The following CD44 variants were observed in gnomAD, a reference collection of about 807,000 sequenced individuals.
CD44 encodes the protein CD44 antigen.
A neutral mutation model predicts 88.8 loss-of-function variants in CD44; 49 were observed. The observed-to-expected ratio is 0.55, with a 90% CI of 0.44 to 0.70. The LOEUF is 0.70. Ranked by LOEUF, CD44 falls within the 30% of genes least tolerant of loss-of-function variation. The pLI is 0.00. For synonymous variants in CD44, 325 were observed against 312.3 expected, an observed-to-expected ratio of 1.04 and a Z score of -0.43; for missense variants, 883 against 913.8, an observed-to-expected ratio of 0.97 and a Z score of 0.43.
At chr11:35,159,231 C>T (rs1346004664) in intron 1 of CD44, among the ~76,000 whole-genome samples, 1 of 152,224 alleles carries the variant, frequency 6.6e-6, no homozygotes, top group Non-Finnish European at 1.5e-5. Context: ...TCAATTCTCT[C>T]ATCTCCAAAA....
intron 5 of CD44, among the ~76,000 whole-genome samples, chr11:35,196,000 T>C (rs1028395549): frequency 1.3e-5 from 2 of 152,186 alleles, no homozygotes; most frequent in Non-Finnish European, 2.9e-5. Context: ...GCTAAGATTA[T>C]GTATCTATTG....
intron 1 of CD44, among the ~76,000 whole-genome samples, chr11:35,176,297 C>CT (rs1223834941): frequency 1.3e-5 from 2 of 152,112 alleles, no homozygotes; most frequent in Non-Finnish European, 2.9e-5. Context: ...CCGCCTCGGC[C>CT]TCCCAAAGTG....
chr11:35,180,411 G>C lies in CD44; in HGVS notation c.367+4G>C, dbSNP rs200679456. The C allele has an allele frequency of 3.7e-6, 6 of 1,614,024 alleles. No homozygotes were observed. Among genetic ancestry groups the C allele is most frequent in the Non-Finnish European group, 5.1e-6 (6 of 1,179,946 alleles). On this transcript the variant is annotated splice_donor_region_variant and intron_variant, in intron 3 of 17. Transcript: ENST00000428726. ...ACATATTGCTTCAATGCTTCAGGTT[G>C]GTTCTCAGGGGGGTGTCTGTTGGCG...
chr11:35,182,296 G>A (rs1048228562), intron 3 of CD44, among the ~76,000 whole-genome samples: 2 of 151,972 alleles, frequency 1.3e-5, no homozygotes, highest in Admixed American at 6.6e-5. Flanking sequence ...GTAGGGATCA[G>A]AGTGGAAATT....
intron 14 of CD44, among the ~76,000 whole-genome samples, chr11:35,212,044 C>T (rs1487704106): frequency 6.6e-6 from 1 of 152,036 alleles, no homozygotes; most frequent in Non-Finnish European, 1.5e-5. Context: ...GACCACTTCT[C>T]TTATTGTAAT....
intron 5 of CD44, chr11:35,190,542 A>G (rs1443120372): frequency 5.8e-6 from 1 of 172,596 alleles, no homozygotes; most frequent in African/African-American, 2.4e-5. Flanking sequence ...GAATTTTTGC[A>G]ATCAGACCTT....
At chr11:35,200,833 T>C (rs966966331) in intron 7 of CD44, among the ~76,000 whole-genome samples, 3 of 152,172 alleles carry the variant, frequency 2.0e-5, no homozygotes, top group Admixed American at 6.5e-5. Flanking sequence ...CTGTTTTATC[T>C]GGAAGATCTC....
rs373685987 is a variant in CD44 at position 35,183,537 on chromosome 11, C to T, written c.367+3130C>T. Among the ~76,000 whole-genome samples, 487 of 152,272 alleles carry T rather than the reference C, an allele frequency of 3.2e-3. 1 individual carries two copies. The highest frequency in any genetic ancestry group is 0.011 in the African/African-American group (470 of 41,546). ...GAAAGCTGCTAGCAGGTGGTCATGT[C>T]CCAGTGCTGTGATCCCCCCCATAAA... On this transcript the variant is annotated intron_variant, in intron 3 of 17. Transcript: ENST00000428726.
chr11:35,167,633 A>G (rs1276620993), intron 1 of CD44, among the ~76,000 whole-genome samples: 1 of 152,208 alleles, frequency 6.6e-6, no homozygotes, highest in Non-Finnish European at 1.5e-5. Context: ...CTGGCTGCCC[A>G]AGTGGTTTGT....
intron 3 of CD44, among the ~76,000 whole-genome samples, chr11:35,181,987 A>G: frequency 8.7e-6 from 1 of 114,926 alleles, no homozygotes; most frequent in Admixed American, 1.3e-4. Flanking sequence ...TATATTATAT[A>G]TAAATTTATA....
intron 16 of CD44, among the ~76,000 whole-genome samples, chr11:35,221,083 A>G (rs533744674): frequency 1.9e-4 from 29 of 152,298 alleles, no homozygotes; most frequent in Non-Finnish European, 2.5e-4. Context: ...AAAATGTAAA[A>G]TATATACCAA....
chr11:35,224,447 C>T (rs1292883552), intron 17 of CD44, among the ~76,000 whole-genome samples: 4 of 152,176 alleles, frequency 2.6e-5, no homozygotes. Context: ...TTTAAAGAAT[C>T]TATCTGGGCC....
At chr11:35,224,318 C>A (rs1295955299) in intron 17 of CD44, among the ~76,000 whole-genome samples, 1 of 152,170 alleles carries the variant, frequency 6.6e-6, no homozygotes, top group African/African-American at 2.4e-5. Context: ...CACCTGACTC[C>A]TTGAGTTACA....
intron 1 of CD44, among the ~76,000 whole-genome samples, chr11:35,171,169 A>T (rs547226497): frequency 6.6e-6 from 1 of 152,214 alleles, no homozygotes; most frequent in Non-Finnish European, 1.5e-5. Context: ...TTGCGTTAGT[A>T]TCAAGGAAAC....
intron 1 of CD44, among the ~76,000 whole-genome samples, chr11:35,151,825 G>A (rs1156323489): frequency 6.6e-6 from 1 of 152,230 alleles, no homozygotes; most frequent in African/African-American, 2.4e-5. Context: ...GAGGGCAGAG[G>A]TTAGTCACTT....
intron 6 of CD44, 53 bp from the exon 7 acceptor site, chr11:35,198,068 C>A: frequency 1.3e-6 from 2 of 1,584,422 alleles, no homozygotes; most frequent in South Asian, 2.3e-5. Flanking sequence ...TCTTCCTTTG[C>A]AAGTGGGTTG....
intron 1 of CD44, among the ~76,000 whole-genome samples, chr11:35,156,683 T>G (rs915845402): frequency 6.6e-6 from 1 of 152,208 alleles, no homozygotes; most frequent in Non-Finnish European, 1.5e-5. Context: ...CCCTTTCCAC[T>G]GAGCTTGGCT....
chr11:35,139,706 A>G, intron 1 of CD44: 1 of 553,122 alleles, frequency 1.8e-6, no homozygotes, highest in Non-Finnish European at 3.5e-6. Context: ...CTGGACTAAC[A>G]GGCTCCTGTG....
rs527513660 is a variant in CD44, at chr11:35,229,655, C to G, written c.*322C>G. ...AAAACTACACATATGTATTCCTGAT[C>G]GCCAACCTTTCCCCCACCAGCTAAG... On this transcript the variant is annotated 3_prime_UTR_variant, in exon 18 of 18. Coordinates refer to ENST00000428726, the MANE Select transcript of CD44 (RefSeq NM_000610.4). 1 of 267,584 alleles carries G rather than the reference C, an allele frequency of 3.7e-6. No individual in the cohort carries two copies. Among genetic ancestry groups the G allele is most frequent in the Non-Finnish European group, 7.2e-6 (1 of 138,292 alleles). 16.6% of individuals were successfully genotyped at this position (267,584 alleles called of 1,614,324 possible). A position where few individuals can be genotyped will look rare whatever the true frequency, so the allele number is the denominator to read the frequency against.
Sources: allele counts gnomAD v4.1 joint callset (sites outside exome capture counted in the v4.1 genomes callset), GRCh38; gene constraint gnomAD v4.1.1; transcripts MANE v1.5; gene names NCBI Gene and HGNC (gene_info 2026-07-23, HGNC 2026-07-21).